The following NR3C2 variants were observed in gnomAD, a reference collection of about 807,000 sequenced individuals.
The protein encoded by NR3C2 is mineralocorticoid receptor.
A neutral mutation model predicts 86.4 loss-of-function variants in NR3C2; 15 were observed. The observed-to-expected ratio is 0.17, with a 90% confidence interval of 0.12 to 0.27. NR3C2 has a LOEUF of 0.27. Ranked by LOEUF, NR3C2 falls within the 10% of genes least tolerant of loss-of-function variation. NR3C2 has a pLI of 1.00. For synonymous variants in NR3C2, 458 were observed against 450.5 expected, an observed-to-expected ratio of 1.02 and a Z score of -0.21; for missense variants, 960 against 1,195.6, an observed-to-expected ratio of 0.80 and a Z score of 2.91.
intron 2 of NR3C2, among the ~76,000 whole-genome samples, chr4:148,361,984 C>T (rs138783122): frequency 0.019 from 2,842 of 152,270 alleles, 83 homozygotes; most frequent in African/African-American, 0.064. Flanking sequence ...ACCACAGGTG[C>T]ACACCACCAT....
At chr4:148,143,674 G>A (rs1036627207) in intron 6 of NR3C2, among the ~76,000 whole-genome samples, 4 of 152,110 alleles carry the variant, frequency 2.6e-5, no homozygotes, top group Admixed American at 6.5e-5. Context: ...GGCTGGGCGC[G>A]GTGGCTCATG....
intron 2 of NR3C2, among the ~76,000 whole-genome samples, chr4:148,428,817 C>G (rs1303281326): frequency 2.0e-5 from 3 of 152,126 alleles, no homozygotes; most frequent in Non-Finnish European, 4.4e-5. Flanking sequence ...TACTCCTATC[C>G]ACCCTACAAA....
At chr4:148,431,520 C>T (rs79759372) in intron 2 of NR3C2, among the ~76,000 whole-genome samples, 47 of 152,256 alleles carry the variant, frequency 3.1e-4, no homozygotes, top group South Asian at 1.2e-3. Context: ...ATCCACCTGA[C>T]ACAACTAGGT....
At chr4:148,128,879 C>T (rs966519951) in intron 6 of NR3C2, among the ~76,000 whole-genome samples, 1 of 152,170 alleles carries the variant, frequency 6.6e-6, no homozygotes, top group African/African-American at 2.4e-5. Flanking sequence ...CAAGAAATAG[C>T]CCTTTGCAGA....
rs557745564 is a variant in NR3C2 at position 148,091,412 on chromosome 4, G to C, written c.2800-9913C>G. The stretch of plus-strand genomic sequence containing the variant: ...GCCCTTAGCAGATGTTTAAGGTAGG[G>C]AGGCGCCACAGTGCAGAGCCCCATC... On this transcript the variant is annotated intron_variant, in intron 8 of 8. Coordinates refer to ENST00000358102, the MANE Select transcript of NR3C2 (RefSeq NM_000901.5). Among the ~76,000 whole-genome samples, 26 of 152,348 alleles carry C rather than the reference G, an allele frequency of 1.7e-4. No homozygotes were observed. The South Asian group carries it at 5.4e-3, about 32-fold the overall frequency.
intron 6 of NR3C2, among the ~76,000 whole-genome samples, chr4:148,143,081 G>C (rs1300668170): frequency 6.6e-6 from 1 of 152,126 alleles, no homozygotes; most frequent in African/African-American, 2.4e-5. Context: ...CCCAGTCTCA[G>C]GTATTTCTGT....
In NR3C2 at chr4:148,435,229, G is replaced by C. The variant is rs1350021295; in HGVS notation, c.1632C>G (p.Phe544Leu). Reference protein sequence around the residue: ...SLSRSARDQSFQHLSSFPPVN... With the variant: ...SLSRSARDQSLQHLSSFPPVN... ...CAGGAGGAAAGGAACTCAGGTGTTG[G>C]AAAGATTGGTCTCTAGCCGATCGTG... Residue 544 changes from phenylalanine to leucine, a missense_variant, in exon 2 of 9, where the codon TTC (phenylalanine) becomes TTG (leucine). By Grantham distance (22) the Phe-to-Leu change is conservative. Coordinates refer to ENST00000358102, the MANE Select transcript of NR3C2 (RefSeq NM_000901.5). 1 of 1,614,156 alleles carries C rather than the reference G, an allele frequency of 6.2e-7. No homozygotes were observed.
At chr4:148,436,962 T>C in intron 1 of NR3C2, 100 bp from the exon 2 acceptor site, 1 of 946,068 alleles carries the variant, frequency 1.1e-6, no homozygotes, top group South Asian at 1.5e-5. Flanking sequence ...AAACATATTC[T>C]ACTTATTATG....
At position 148,156,265 on chromosome 4, in the gene NR3C2, A is replaced by G. The variant is rs1453940780; in HGVS notation, c.2015-1364T>C. Among the ~76,000 whole-genome samples, 4 of 152,366 alleles carry G rather than the reference A, an allele frequency of 2.6e-5. No homozygotes were observed. The East Asian group carries it at 7.7e-4, about 29-fold the overall frequency. On this transcript the variant is annotated intron_variant, in intron 4 of 8. Transcript: ENST00000358102. ...ACAAAAGCCAAAATTGACAAATGGGATCTAATTAAACTGAAGAGCTTCTGC... is the reference window on the plus strand; with the variant it reads ...ACAAAAGCCAAAATTGACAAATGGGGTCTAATTAAACTGAAGAGCTTCTGC...
At chr4:148,413,308 CTA>C (rs1420130777) in intron 2 of NR3C2, among the ~76,000 whole-genome samples, 1 of 152,018 alleles carries the variant, frequency 6.6e-6, no homozygotes, top group Non-Finnish European at 1.5e-5. Flanking sequence ...AAAGTAACTA[CTA>C]TGTTTCCAAA....
intron 2 of NR3C2, among the ~76,000 whole-genome samples, chr4:148,304,500 T>C (rs1037749461): frequency 6.6e-6 from 1 of 152,070 alleles, no homozygotes; most frequent in Non-Finnish European, 1.5e-5. Context: ...CAAAGCGTCA[T>C]GGAATCAGAG....
intron 8 of NR3C2, among the ~76,000 whole-genome samples, chr4:148,109,090 C>T (rs1279573395): frequency 6.6e-6 from 1 of 152,158 alleles, no homozygotes; most frequent in Non-Finnish European, 1.5e-5. Flanking sequence ...CTGGCTGCCA[C>T]CAGCTATCTA....
chr4:148,361,726 T>G (rs968400652), intron 2 of NR3C2, among the ~76,000 whole-genome samples: 15 of 152,176 alleles, frequency 9.9e-5, no homozygotes, highest in Admixed American at 9.2e-4. Flanking sequence ...TCTCCTTCCA[T>G]TCTTACAAGG....
At chr4:148,377,862 G>C (rs985804882) in intron 2 of NR3C2, among the ~76,000 whole-genome samples, 2 of 152,158 alleles carry the variant, frequency 1.3e-5, no homozygotes, top group Non-Finnish European at 1.5e-5. Context: ...ATAAGCATTA[G>C]GGCCTCCCAG....
chr4:148,154,342 A>C (rs1734245394), intron 5 of NR3C2, among the ~76,000 whole-genome samples: 1 of 152,212 alleles, frequency 6.6e-6, no homozygotes, highest in African/African-American at 2.4e-5. Context: ...CATTTTAACA[A>C]TAAAATCCTT....
At chr4:148,333,946 C>T (rs908273107) in intron 2 of NR3C2, among the ~76,000 whole-genome samples, 5 of 152,088 alleles carry the variant, frequency 3.3e-5, no homozygotes, top group African/African-American at 1.2e-4. Flanking sequence ...TTCAATTATA[C>T]AAAATCTATT....
At chr4:148,277,185 A>C (rs1741001428) in intron 2 of NR3C2, among the ~76,000 whole-genome samples, 1 of 152,230 alleles carries the variant, frequency 6.6e-6, no homozygotes, top group South Asian at 2.1e-4. Context: ...AAAATTCTAC[A>C]AATCAGAATA....
intron 3 of NR3C2, among the ~76,000 whole-genome samples, chr4:148,213,088 A>G (rs1737359244): frequency 6.6e-6 from 1 of 152,012 alleles, no homozygotes; most frequent in Admixed American, 6.6e-5. Flanking sequence ...ACCTTAAAGG[A>G]GAAATGCAAT....
chr4:148,254,175 T>C (rs557614499), intron 3 of NR3C2, among the ~76,000 whole-genome samples: 2 of 152,294 alleles, frequency 1.3e-5, no homozygotes, highest in Admixed American at 1.3e-4. Flanking sequence ...TAAACAAGTA[T>C]ACCTCACAAC....
Sources: allele counts gnomAD v4.1 joint callset (sites outside exome capture counted in the v4.1 genomes callset), GRCh38; gene constraint gnomAD v4.1.1; transcripts MANE v1.5; gene names NCBI Gene and HGNC (gene_info 2026-07-23, HGNC 2026-07-21).